OTOGL: variants seen among roughly 807,000 people sequenced by gnomAD.
OTOGL encodes otogelin-like protein.
Under a neutral mutation model 318.5 loss-of-function variants are expected in OTOGL, and 285 were observed. The observed-to-expected ratio is 0.89, with a 90% CI of 0.81 to 0.99. The LOEUF is 0.99. Among genes scored for constraint, OTOGL ranks in the 50% least tolerant of loss-of-function variants. The probability of loss-of-function intolerance (pLI) is 0.00; values close to 1 mark genes in which losing one functional copy is unlikely to be tolerated. For synonymous variants in OTOGL, 987 were observed against 936.5 expected (o/e 1.05, Z -0.99); for missense variants, 2,899 against 2,845.6 (o/e 1.02, Z -0.43).
intron 11 of OTOGL, 69 bp from the exon 12 acceptor site, chr12:80,251,624 A>G: frequency 8.2e-7 from 1 of 1,225,500 alleles, no homozygotes; most frequent in Non-Finnish European, 1.2e-6. Flanking sequence ...TCTAGGGATC[A>G]GGACCTCAAT....
intron 1 of OTOGL, among the ~76,000 whole-genome samples, chr12:80,185,728 A>G (rs1875243821): frequency 6.6e-6 from 1 of 152,372 alleles, no homozygotes; most frequent in African/African-American, 2.4e-5. Flanking sequence ...ACTGCCTAGC[A>G]TATTAGTTTT....
chr12:80,280,820 T>C (rs7134947), intron 26 of OTOGL, among the ~76,000 whole-genome samples: 138,843 of 151,990 alleles, frequency 0.91, 63,507 homozygotes, highest in Admixed American at 0.95. Context: ...TTCTTCCTAC[T>C]CATGAGCATA....
chr12:80,347,150 T>C (rs1009923590), intron 44 of OTOGL, among the ~76,000 whole-genome samples: 2 of 152,092 alleles, frequency 1.3e-5, no homozygotes, highest in South Asian at 4.1e-4. Flanking sequence ...CTTTTTTTTT[T>C]AAATTATAAT....
chr12:80,234,276 C>T (rs960957753), intron 9 of OTOGL, among the ~76,000 whole-genome samples: 7 of 152,146 alleles, frequency 4.6e-5, no homozygotes, highest in Non-Finnish European at 8.8e-5. Context: ...TGTAACACAG[C>T]TTGTAACTGA....
At chr12:80,223,248 T>G (rs1214264496) in intron 7 of OTOGL, among the ~76,000 whole-genome samples, 1 of 151,538 alleles carries the variant, frequency 6.6e-6, no homozygotes, top group South Asian at 2.1e-4. Flanking sequence ...TATTCCATGG[T>G]GTGTGTGTGT....
chr12:80,174,822 G>A (rs774081192), intron 1 of OTOGL, among the ~76,000 whole-genome samples: 83 of 152,034 alleles, frequency 5.5e-4, no homozygotes, highest in Non-Finnish European at 1.1e-3. Context: ...ATTCCTTGAA[G>A]GTGTGGCTTA....
intron 1 of OTOGL, among the ~76,000 whole-genome samples, chr12:80,185,551 A>C (rs1413177482): frequency 6.6e-6 from 1 of 152,152 alleles, no homozygotes; most frequent in East Asian, 1.9e-4. Flanking sequence ...GGCCTCCGAA[A>C]GTACTGGTAT....
In OTOGL at chr12:80,281,604, T is replaced by C. The variant is rs563708193; in HGVS notation, c.2928+2438T>C. ...CTGCTAGATTCAGTTTGCTAGTATT[T>C]TGTTGAGGATTTCTGTGTCTATGTT... On this transcript the variant is annotated intron_variant, in intron 26 of 58. Coordinates refer to ENST00000547103, the MANE Select transcript of OTOGL (RefSeq NM_001378609.3). Among the ~76,000 whole-genome samples, 4 of 152,096 alleles carry C rather than the reference T, an allele frequency of 2.6e-5. 1 individual carries two copies. The highest frequency in any genetic ancestry group is 9.6e-5 in the African/African-American group (4 of 41,542).
intron 42 of OTOGL, among the ~76,000 whole-genome samples, chr12:80,338,289 G>A (rs1246227602): frequency 1.3e-5 from 2 of 152,132 alleles, no homozygotes; most frequent in East Asian, 3.9e-4. Context: ...TTTTCTGGGG[G>A]AGGTCACACT....
At chr12:80,202,903 A>G (rs191305224) in intron 1 of OTOGL, among the ~76,000 whole-genome samples, 4 of 152,270 alleles carry the variant, frequency 2.6e-5, no homozygotes, top group Admixed American at 2.6e-4. Context: ...GCACATGACT[A>G]AAAAATAGTT....
At chr12:80,209,247 C>T (rs1877050242) in intron 1 of OTOGL, among the ~76,000 whole-genome samples, 166 bp from the exon 2 acceptor site, 1 of 152,120 alleles carries the variant, frequency 6.6e-6, no homozygotes, top group Non-Finnish European at 1.5e-5. Flanking sequence ...AAAGGGTTGT[C>T]TGCAAGTTCT....
intron 44 of OTOGL, among the ~76,000 whole-genome samples, chr12:80,345,117 ATTATG>A (rs1889096457): frequency 4.2e-5 from 2 of 47,660 alleles, no homozygotes; most frequent in African/African-American, 1.6e-4. Context: ...AATATATATT[ATTATG>A]TTATATATTA....
chr12:80,153,680 T>A (rs1342215609), intron 1 of OTOGL, among the ~76,000 whole-genome samples: 2 of 152,198 alleles, frequency 1.3e-5, no homozygotes, highest in Non-Finnish European at 2.9e-5. Context: ...GTCACTGCCC[T>A]AAAAATCCTC....
At chr12:80,193,519 G>GTAA (rs146790597) in intron 1 of OTOGL, among the ~76,000 whole-genome samples, 1,781 of 151,192 alleles carry the variant, frequency 0.012, 27 homozygotes, top group African/African-American at 0.038. Context: ...TCATCTAAAA[G>GTAA]TAATAATAAT....
intron 7 of OTOGL, among the ~76,000 whole-genome samples, chr12:80,227,156 C>A (rs1441756147): frequency 6.6e-6 from 1 of 151,902 alleles, no homozygotes; most frequent in South Asian, 2.1e-4. Flanking sequence ...CACTTTTTTC[C>A]TTTTTTGTTC....
At position 80,339,254 on chromosome 12, in the gene OTOGL, A is replaced by G. The variant is rs1393656088; in HGVS notation, c.5040A>G (p.Glu1680=). Residue 1680 remains glutamate, a synonymous_variant, in exon 43 of 59, where the codon GAA becomes GAG. Transcript: ENST00000547103. The part of the protein sequence containing the change: ...GFRFNLSSYT[E]GLCGICNEDP... ...GATTTAACTTGTCATCCTACACAGAAGGACTCTGTGGTGAGCGCTGCCCTT... is the reference window on the plus strand; with the variant it reads ...GATTTAACTTGTCATCCTACACAGAGGGACTCTGTGGTGAGCGCTGCCCTT... 1.3e-6 allele frequency: 2 copies of G among 1,594,628 alleles called. No individual in the cohort carries two copies. Among genetic ancestry groups the G allele is most frequent in the East Asian group, 4.6e-5 (2 of 43,870 alleles).
chr12:80,283,600 A>G (rs1458002306), intron 26 of OTOGL, among the ~76,000 whole-genome samples: 1 of 152,050 alleles, frequency 6.6e-6, no homozygotes, highest in African/African-American at 2.4e-5. Context: ...TAGCACAATT[A>G]TGGCTGAATT....
chr12:80,261,328 A>G (rs1449084774), intron 18 of OTOGL, among the ~76,000 whole-genome samples: 1 of 152,112 alleles, frequency 6.6e-6, no homozygotes, highest in Non-Finnish European at 1.5e-5. Flanking sequence ...ATGAATGAAT[A>G]CATCTGAATG....
At position 80,366,511 on chromosome 12, in the gene OTOGL, T is replaced by TTTTATATATA. The variant is rs1555304841; in HGVS notation, c.6268-62_6268-61insTTATATATAT. On this transcript the variant is annotated intron_variant, in intron 52 of 58. Coordinates refer to ENST00000547103, the MANE Select transcript of OTOGL (RefSeq NM_001378609.3). Reference sequence around the variant, plus strand: ...ATATCAATTGTTTTATATATATAGGTTATATATATATATATATATAAAATA... The same window carrying TTTTATATATA: ...ATATCAATTGTTTTATATATATAGGTTTTATATATATATATATATATATATATATAAAATA... 132 of 176,336 alleles carry TTTTATATATA rather than the reference T, an allele frequency of 7.5e-4. 1 individual carries two copies. In the South Asian group the frequency reaches 0.01, roughly 14 times the overall value. The allele number at this position is 176,336 out of a possible 1,614,324, so 10.9% of individuals were successfully genotyped here. A position where few individuals can be genotyped will look rare whatever the true frequency, so the allele number is the denominator to read the frequency against.
Sources: allele counts gnomAD v4.1 joint callset (sites outside exome capture counted in the v4.1 genomes callset), GRCh38; gene constraint gnomAD v4.1.1; transcripts MANE v1.5; gene names NCBI Gene and HGNC (gene_info 2026-07-23, HGNC 2026-07-21).